Variants in B3GALNT2 observed in about 807,000 individuals in gnomAD.
B3GALNT2 encodes beta-1,3-N-acetylgalactosaminyltransferase 2.
In B3GALNT2, 53 loss-of-function variants were observed where a neutral mutation model predicts 61.1. That is an observed-to-expected ratio of 0.87 (90% CI 0.70 to 1.09). The LOEUF (loss-of-function observed/expected upper bound fraction) is 1.09, where lower values mean the gene tolerates loss of function less well. Among genes scored for constraint, B3GALNT2 ranks in the 50% least tolerant of loss-of-function variants. B3GALNT2 has a pLI of 0.00. For missense variants in B3GALNT2, 544 were observed against 623.0 expected (o/e 0.87, Z 1.35); for synonymous variants, 223 against 237.4 (o/e 0.94, Z 0.56).
intron 10 of B3GALNT2, 60 bp from the exon 11 acceptor site, chr1:235,453,206 C>CA: frequency 6.7e-7 from 1 of 1,488,900 alleles, no homozygotes; most frequent in Non-Finnish European, 9.4e-7. Context: ...TTTGTAAAGA[C>CA]AAAACCATAG....
Position 235,448,411 on chromosome 1 carries a change from G to A in B3GALNT2, c.*1795C>T. On this transcript the variant is annotated 3_prime_UTR_variant, in exon 12 of 12. Transcript: ENST00000366600. ...ACGTCTTCTCAAAGTTCCTGTGTCA[G>A]ACCTTCTGTTGTCCTATGAAAGTCC... 6.2e-7 allele frequency: 1 copy of A among 1,614,090 alleles called. No individual in the cohort carries two copies. Among genetic ancestry groups the A allele is most frequent in the Non-Finnish European group, 8.5e-7 (1 of 1,179,980 alleles).
At chr1:235,496,647 G>A (rs1685339523) in intron 1 of B3GALNT2, among the ~76,000 whole-genome samples, 1 of 151,476 alleles carries the variant, frequency 6.6e-6, no homozygotes, top group African/African-American at 2.4e-5. Context: ...CCGGGTTCAA[G>A]TGATTCTCCT....
In B3GALNT2 at chr1:235,496,137, C is replaced by T. The variant is rs146866519; in HGVS notation, c.113-1309G>A. 7.6e-3 allele frequency: 1,248 copies of T among 165,216 alleles called. 5 individuals carry two copies. Among genetic ancestry groups the T allele is most frequent in the Middle Eastern group, 0.015 (5 of 340 alleles). 10.2% of individuals were successfully genotyped at this position (165,216 alleles called of 1,614,324 possible). ...GACCAGCCTGACCAACATGGAGAAA[C>T]CCTGTCTCTACTAAAAATACAAAAT... On this transcript the variant is annotated intron_variant, in intron 1 of 11. Transcript: ENST00000366600.
chr1:235,476,411 TAAAC>T (rs111689826), intron 5 of B3GALNT2, among the ~76,000 whole-genome samples: 23 of 148,188 alleles, frequency 1.6e-4, no homozygotes, highest in Admixed American at 1.1e-3. Context: ...ACTCCGTTTC[TAAAC>T]AAACAAACAA....
chr1:235,485,940 A>G (rs1317800138), intron 3 of B3GALNT2, among the ~76,000 whole-genome samples: 1 of 152,144 alleles, frequency 6.6e-6, no homozygotes, highest in African/African-American at 2.4e-5. Flanking sequence ...ACGATACAAA[A>G]ATTAGCTGGG....
chr1:235,458,551 A>G, intron 8 of B3GALNT2, 52 bp downstream of exon 8: 1 of 1,532,846 alleles, frequency 6.5e-7, no homozygotes. Flanking sequence ...CTCAAAAAAA[A>G]AAAAACTAAC....
chr1:235,468,604 CA>C (rs1683836938), intron 6 of B3GALNT2, among the ~76,000 whole-genome samples: 1 of 151,964 alleles, frequency 6.6e-6, no homozygotes, highest in Non-Finnish European at 1.5e-5. Context: ...AGGCACCCGC[CA>C]CCACAGCCAG....
intron 5 of B3GALNT2, among the ~76,000 whole-genome samples, chr1:235,475,668 G>A (rs1684243171): frequency 6.6e-6 from 1 of 152,058 alleles, no homozygotes; most frequent in Admixed American, 6.6e-5. Context: ...TGTACAACAG[G>A]AGAGAATTTT....
At chr1:235,504,100 C>A (rs936364711) in intron 1 of B3GALNT2, 41 bp downstream of exon 1, 3 of 1,145,658 alleles carry the variant, frequency 2.6e-6, no homozygotes, top group South Asian at 4.7e-5. Flanking sequence ...GGCCTCCCAC[C>A]CCCCCGGCGG....
intron 5 of B3GALNT2, among the ~76,000 whole-genome samples, chr1:235,478,652 A>G: frequency 6.6e-6 from 1 of 152,176 alleles, no homozygotes; most frequent in East Asian, 1.9e-4. Context: ...AAAAATTGAA[A>G]CTCTATCAAC....
chr1:235,492,667 T>C (rs770517944), intron 2 of B3GALNT2, among the ~76,000 whole-genome samples: 10 of 151,996 alleles, frequency 6.6e-5, no homozygotes, highest in Non-Finnish European at 1.0e-4. Flanking sequence ...CTAAATACAA[T>C]ACAGATGCCA....
chr1:235,483,623 T>A (rs1397281949), intron 4 of B3GALNT2, among the ~76,000 whole-genome samples: 1 of 152,090 alleles, frequency 6.6e-6, no homozygotes, highest in Non-Finnish European at 1.5e-5. Context: ...AATACAAAAA[T>A]TAGCCAGGTG....
chr1:235,500,026 A>G (rs1685515520), intron 1 of B3GALNT2, among the ~76,000 whole-genome samples: 1 of 152,210 alleles, frequency 6.6e-6, no homozygotes, highest in Admixed American at 6.5e-5. Context: ...GGCCAGAGAG[A>G]GGACAGCAGC....
intron 5 of B3GALNT2, among the ~76,000 whole-genome samples, chr1:235,478,518 A>C (rs1394972146): frequency 1.3e-5 from 2 of 152,238 alleles, no homozygotes; most frequent in Non-Finnish European, 2.9e-5. Context: ...CCCTCCAGGA[A>C]GGAATCATCT....
chr1:235,457,771 A>G (rs972381790), intron 8 of B3GALNT2, among the ~76,000 whole-genome samples: 1 of 152,190 alleles, frequency 6.6e-6, no homozygotes, highest in Non-Finnish European at 1.5e-5. Context: ...GTGAGTGACT[A>G]TAACTGGGGA....
At chr1:235,490,144 A>AT (rs1253764642) in intron 2 of B3GALNT2, among the ~76,000 whole-genome samples, 17 of 151,794 alleles carry the variant, frequency 1.1e-4, no homozygotes, top group East Asian at 7.7e-4. Context: ...CAATCTACTC[A>AT]TTTTTTTTAC....
chr1:235,453,217 C>T (rs1683008983), intron 10 of B3GALNT2, 71 bp from the exon 11 acceptor site: 2 of 1,407,822 alleles, frequency 1.4e-6, no homozygotes, highest in South Asian at 1.2e-5. Context: ...AAAACCATAG[C>T]CACTCCCATC....
chr1:235,484,224 TTA>T (rs1411749099), intron 4 of B3GALNT2, 96 bp downstream of exon 4: 1 of 1,456,652 alleles, frequency 6.9e-7, no homozygotes, highest in Non-Finnish European at 9.0e-7. Context: ...CCAGAGAGAA[TTA>T]TATAGTCTTC....
At chr1:235,450,532 T>C in intron 11 of B3GALNT2, 192 bp from the exon 12 acceptor site, 1 of 587,310 alleles carries the variant, frequency 1.7e-6, no homozygotes, top group Non-Finnish European at 2.9e-6. Flanking sequence ...GGTCCCACAG[T>C]CCTGTGGCTG....
Sources: gnomAD v4.1 joint callset for allele counts (sites outside exome capture counted in the v4.1 genomes callset) on GRCh38, gnomAD v4.1.1 for gene constraint, MANE v1.5 for transcripts, NCBI Gene and HGNC (gene_info 2026-07-23, HGNC 2026-07-21) for gene names.